The following MS4A7 variants were observed in gnomAD, a reference collection of about 807,000 sequenced individuals.
The protein encoded by MS4A7 is membrane spanning 4-domains A7, also known as membrane-spanning 4-domains subfamily A member 7.
A neutral mutation model predicts 23.5 loss-of-function variants in MS4A7; 21 were observed. The ratio of observed to expected loss-of-function variants is 0.89; its 90% CI spans 0.63 to 1.29. MS4A7 has a LOEUF of 1.29. Among genes scored for constraint, MS4A7 ranks in the 50% most tolerant of loss-of-function variants. The pLI is 0.00. For synonymous variants in MS4A7, 111 were observed against 107.4 expected (o/e 1.03, Z -0.21); for missense variants, 263 against 274.2 (o/e 0.96, Z 0.29).
intron 3 of MS4A7, 38 bp downstream of exon 3, chr11:60,385,260 A>G (rs1388204270): frequency 6.2e-7 from 1 of 1,612,280 alleles, no homozygotes; most frequent in South Asian, 1.1e-5. Context: ...GACATGCTTT[A>G]TAAATGCTAA....
chr11:60,387,769 C>T (rs571403553), intron 4 of MS4A7, among the ~76,000 whole-genome samples: 2 of 152,264 alleles, frequency 1.3e-5, no homozygotes, highest in African/African-American at 4.8e-5. Flanking sequence ...CCCTAGAAAC[C>T]CAATGTATGT....
intron 2 of MS4A7, 78 bp downstream of exon 2, chr11:60,383,366 C>G: frequency 1.3e-6 from 2 of 1,513,350 alleles, no homozygotes; most frequent in Non-Finnish European, 1.8e-6. Context: ...TACAGTGGGT[C>G]TGGGAAACTC....
chr11:60,389,333 T>A, intron 4 of MS4A7, 57 bp from the exon 5 acceptor site: 1 of 1,428,156 alleles, frequency 7.0e-7, no homozygotes, highest in Non-Finnish European at 9.7e-7. Flanking sequence ...GACAGAGGAC[T>A]AATAGTGTCA....
intron 1 of MS4A7, among the ~76,000 whole-genome samples, chr11:60,381,135 A>T (rs967416001): frequency 6.6e-6 from 1 of 152,202 alleles, no homozygotes; most frequent in Non-Finnish European, 1.5e-5. Context: ...TCATTTTATC[A>T]TGAACTACTG....
rs2085449825 is a variant in MS4A7, at chr11:60,383,283, C to A, written c.142C>A (p.Leu48Ile). The change falls in exon 2 of 7, where the codon CTT (leucine) becomes ATT (isoleucine). Residue 48 changes from leucine (L) to isoleucine (I), a missense_variant. Physicochemically the swap from Leu to Ile is conservative, Grantham distance 5. Transcript: ENST00000300184. ...CGGGCTGCCAACAGAAACCACCGTT[C>A]TTGGGGTAAGTCCACCTCATTATAA... is the stretch of plus-strand genomic sequence containing the variant. ...QNGLPTETTV[L>I]GTVQILCCLL... 6.2e-7 allele frequency: 1 copy of A among 1,614,074 alleles called. No homozygotes were observed. The highest frequency in any genetic ancestry group is 1.1e-5 in the South Asian group (1 of 91,058).
intron 5 of MS4A7, 149 bp from the exon 6 acceptor site, chr11:60,392,536 A>G: frequency 1.6e-6 from 1 of 606,558 alleles, no homozygotes. Flanking sequence ...CTATTAAGAA[A>G]TCTGAAAAAG....
At chr11:60,379,598 T>C (rs1020945473) in intron 1 of MS4A7, among the ~76,000 whole-genome samples, 5 of 130,036 alleles carry the variant, frequency 3.8e-5, no homozygotes, top group Admixed American at 3.2e-4. Context: ...GAGTGCGTGA[T>C]CTCGGCTTAC....
intron 5 of MS4A7, among the ~76,000 whole-genome samples, chr11:60,390,644 G>A (rs140341394): frequency 0.021 from 3,137 of 152,230 alleles, 46 homozygotes; most frequent in Middle Eastern, 0.037. Flanking sequence ...CAGACATGTG[G>A]TAAAGCAATG....
rs2085447931 is a variant in MS4A7, at chr11:60,383,147, A to ATGGGGG, written c.7_8insGGGGGT (p.Leu2_Leu3insTrpGly). The stretch of plus-strand genomic sequence containing the variant: ...CTTCCAGCATCATCAGCATCATGCT[A>ATGGGGG]TTACAATCCCAAACCATGGGGGTTT... On this transcript the variant is annotated inframe_insertion, in exon 2 of 7. Transcript: ENST00000300184. The ATGGGGG allele has an allele frequency of 6.2e-7, 1 of 1,613,612 alleles. No homozygotes were observed. Among genetic ancestry groups the ATGGGGG allele is most frequent in the Admixed American group, 1.7e-5 (1 of 59,968 alleles).
intron 2 of MS4A7, 168 bp downstream of exon 2, chr11:60,383,456 C>T (rs1053128276): frequency 1.8e-6 from 1 of 563,468 alleles, no homozygotes; most frequent in East Asian, 3.3e-5. Flanking sequence ...AGCTCTGCAG[C>T]AGTTTCTAGA....
intron 3 of MS4A7, among the ~76,000 whole-genome samples, chr11:60,385,555 C>T (rs2085477025): frequency 6.6e-6 from 1 of 152,140 alleles, no homozygotes; most frequent in African/African-American, 2.4e-5. Context: ...CATTGGATTC[C>T]CTCCATTGTA....
intron 2 of MS4A7, 23 bp from the exon 3 acceptor site, chr11:60,385,065 A>G (rs746095629): frequency 7.5e-6 from 12 of 1,609,874 alleles, no homozygotes; most frequent in Non-Finnish European, 1.0e-5. Flanking sequence ...TGCAGTCTAG[A>G]TTTCCTGTCT....
At chr11:60,382,313 A>G (rs1050770793) in intron 1 of MS4A7, among the ~76,000 whole-genome samples, 1 of 152,252 alleles carries the variant, frequency 6.6e-6, no homozygotes, top group Admixed American at 6.5e-5. Flanking sequence ...TGAGCCAGAC[A>G]AGTCTCAATC....
intron 5 of MS4A7, 76 bp downstream of exon 5, chr11:60,389,672 G>T: frequency 7.1e-7 from 1 of 1,412,764 alleles, no homozygotes; most frequent in Non-Finnish European, 9.9e-7. Flanking sequence ...TGCTTTTCTG[G>T]CAGTCTCTGG....
At position 60,394,597 on chromosome 11, in the gene MS4A7, T is replaced by C. The variant is rs2085591629; in HGVS notation, c.*736T>C. The C allele has an allele frequency of 6.5e-6, 1 of 154,320 alleles. No individual in the cohort carries two copies. Among genetic ancestry groups the C allele is most frequent in the African/African-American group, 2.4e-5 (1 of 41,456 alleles). 9.6% of individuals were successfully genotyped at this position (154,320 alleles called of 1,614,324 possible). ...GGACGGATCACCCGAGGTCAGGAGT[T>C]TGAGACCAGCCTGGCCAACAAGGTG... On this transcript the variant is annotated 3_prime_UTR_variant, in exon 7 of 7. Transcript: ENST00000300184.
intron 4 of MS4A7, among the ~76,000 whole-genome samples, chr11:60,388,035 G>A (rs1333436744): frequency 6.6e-6 from 1 of 152,230 alleles, no homozygotes; most frequent in Non-Finnish European, 1.5e-5. Flanking sequence ...GACAATGTAT[G>A]TTGGGAAGGA....
chr11:60,385,071 T>C lies in MS4A7; in HGVS notation c.148-17T>C. On this transcript the variant is annotated splice_polypyrimidine_tract_variant and intron_variant, in intron 2 of 6. Transcript: ENST00000300184. ...TGTTTGAAGTGCAGTCTAGATTTCCTGTCTTCTCTCTTGTAGACTGTCCAG... is the reference window on the plus strand; with the variant it reads ...TGTTTGAAGTGCAGTCTAGATTTCCCGTCTTCTCTCTTGTAGACTGTCCAG... The C allele has an allele frequency of 6.2e-7, 1 of 1,612,042 alleles. No homozygotes were observed. Among genetic ancestry groups the C allele is most frequent in the Non-Finnish European group, 8.5e-7 (1 of 1,178,270 alleles).
In MS4A7 at chr11:60,390,678, G is replaced by A. The variant is rs529783502; in HGVS notation, c.546+1082G>A. Among the ~76,000 whole-genome samples, 5 of 152,108 alleles carry A rather than the reference G, an allele frequency of 3.3e-5. No individual in the cohort carries two copies. In the South Asian group the frequency reaches 1.0e-3, roughly 32 times the overall value. ...TGGGGGTGGGAGAGGCATATTGGGG[G>A]TTTAATTTAAAGAAAATGAATTTCA... On this transcript the variant is annotated intron_variant, in intron 5 of 6. Coordinates refer to ENST00000300184, the MANE Select transcript of MS4A7 (RefSeq NM_021201.5).
rs2233241 is a variant in MS4A7, at chr11:60,383,241, G to A, written c.100G>A (p.Glu34Lys). The A allele has an allele frequency of 8.7e-3, 13,984 of 1,614,052 alleles. 996 individuals are homozygous for A. The African/African-American group carries it at 0.16, about 19-fold the overall frequency. Residue 34 changes from glutamate (E) to lysine (K), a missense_variant, in exon 2 of 7, where the codon GAA becomes AAA. Coordinates refer to ENST00000300184, the MANE Select transcript of MS4A7 (RefSeq NM_021201.5). Reference protein sequence around the residue: ...REKPGHMYQNEDYLQNGLPTE... With the variant: ...REKPGHMYQNKDYLQNGLPTE... ...GAAACCTGGACACATGTACCAAAAC[G>A]AAGATTACCTGCAGAACGGGCTGCC... is the stretch of plus-strand genomic sequence containing the variant.
Sources: gnomAD v4.1 joint callset for allele counts (sites outside exome capture counted in the v4.1 genomes callset) on GRCh38, gnomAD v4.1.1 for gene constraint, MANE v1.5 for transcripts, NCBI Gene and HGNC (gene_info 2026-07-23, HGNC 2026-07-21) for gene names.